ZBTB16: variants seen among roughly 807,000 people sequenced by gnomAD.
The protein encoded by ZBTB16 is zinc finger and BTB domain-containing protein 16.
ZBTB16 carries 8 observed loss-of-function variants against 56.8 expected under a neutral mutation model. That is an observed-to-expected ratio of 0.14 (90% CI 0.08 to 0.25). ZBTB16 has a LOEUF of 0.25. ZBTB16 is among the 10% of genes least tolerant of loss of function. The probability of loss-of-function intolerance (pLI) is 1.00; values close to 1 mark genes in which losing one functional copy is unlikely to be tolerated. For synonymous variants in ZBTB16, 363 were observed against 368.5 expected, an observed-to-expected ratio of 0.98 and a Z score of 0.17; for missense variants, 625 against 903.0, an observed-to-expected ratio of 0.69 and a Z score of 3.95.
At chr11:114,233,494 G>A (rs184387099) in intron 4 of ZBTB16, among the ~76,000 whole-genome samples, 47 of 152,106 alleles carry the variant, frequency 3.1e-4, no homozygotes, top group African/African-American at 9.9e-4. Flanking sequence ...GCAACGCAGC[G>A]TAGGAGGTAG....
intron 4 of ZBTB16, chr11:114,187,341 G>C (rs775461261): frequency 8.7e-5 from 39 of 446,124 alleles, no homozygotes; most frequent in Non-Finnish European, 9.0e-5. Context: ...TCTTGTTGAG[G>C]CCTTAGTCTG....
chr11:114,061,254 G>T (rs1028016540), intron 1 of ZBTB16: 2 of 152,142 alleles, frequency 1.3e-5, no homozygotes, highest in African/African-American at 2.4e-5. Context: ...GCCGGATCGC[G>T]GGCGCCGAGC....
chr11:114,143,445 G>T lies in ZBTB16; in HGVS notation c.1269-12892G>T, dbSNP rs1000919938. On this transcript the variant is annotated intron_variant, in intron 2 of 6. Transcript: ENST00000335953. The surrounding 1 kb of genome is among the most constrained non-coding windows in gnomAD (Gnocchi z 6.4). ...GGGGGAAAGGGGGTCAGCTTTGAGA[G>T]GGGACAGAGGGGAGCTACTGGGGAA... 6.6e-6 allele frequency among the ~76,000 whole-genome samples: 1 copy of T among 152,176 alleles called. No homozygotes were observed. The highest frequency in any genetic ancestry group is 2.4e-5 in the African/African-American group (1 of 41,436).
At chr11:114,150,890 A>G (rs1458467593) in intron 2 of ZBTB16, among the ~76,000 whole-genome samples, 1 of 152,246 alleles carries the variant, frequency 6.6e-6, no homozygotes, top group East Asian at 1.9e-4. Flanking sequence ...CTGTCCCCAC[A>G]TGGGGCCCAA....
rs970695816 is a variant in ZBTB16, at chr11:114,060,023, C to T, written c.-91+141C>T. 13 of 383,278 alleles carry T rather than the reference C, an allele frequency of 3.4e-5. No homozygotes were observed. The highest frequency in any genetic ancestry group is 5.5e-5 in the Non-Finnish European group (12 of 216,856). The allele number at this position is 383,278 out of a possible 1,614,324, so 23.7% of individuals were successfully genotyped here. A position where few individuals can be genotyped will look rare whatever the true frequency, so the allele number is the denominator to read the frequency against. On this transcript the variant is annotated intron_variant, in intron 1 of 6. Coordinates refer to ENST00000335953, the MANE Select transcript of ZBTB16 (RefSeq NM_006006.6). This position sits in a 1 kb window ranked among gnomAD's most constrained non-coding sequence, Gnocchi z 6.0. ...TTGTGCCTTTTTTATTTGGCGTGTT[C>T]CCTTCCTGCCGCTGCAGCCGTCGCC... is the stretch of plus-strand genomic sequence containing the variant.
chr11:114,167,358 T>C (rs1223584011), intron 3 of ZBTB16, among the ~76,000 whole-genome samples: 1 of 144,646 alleles, frequency 6.9e-6, no homozygotes, highest in Non-Finnish European at 1.5e-5. Context: ...CCAGGAGAGA[T>C]TGTATAGAAA....
chr11:114,139,730 A>G (rs992520992), intron 2 of ZBTB16, among the ~76,000 whole-genome samples: 11 of 151,642 alleles, frequency 7.3e-5, no homozygotes, highest in Non-Finnish European at 1.5e-4. Flanking sequence ...GCATCCAACT[A>G]CGGAGCAAGA....
chr11:114,090,547 A>T (rs2137724097), intron 2 of ZBTB16, among the ~76,000 whole-genome samples: 1 of 152,272 alleles, frequency 6.6e-6, no homozygotes, highest in South Asian at 2.1e-4. Context: ...TCTGGTGGTG[A>T]GAAGATGGTT....
In ZBTB16 at chr11:114,250,674, A is replaced by C; in HGVS notation, c.*119A>C. The C allele has an allele frequency of 1.7e-6, 2 of 1,188,980 alleles. No homozygotes were observed. The highest frequency in any genetic ancestry group is 2.4e-6 in the Non-Finnish European group (2 of 847,474). 73.7% of individuals were successfully genotyped at this position (1,188,980 alleles called of 1,614,324 possible). A position where few individuals can be genotyped will look rare whatever the true frequency, so the allele number is the denominator to read the frequency against. ...GAAAAAAAAAAACAGAAGGAAAAGG[A>C]AACCTGGTAGCTTTTTGGCCTTGGA... On this transcript the variant is annotated 3_prime_UTR_variant, in exon 7 of 7. Transcript: ENST00000335953. This position sits in a 1 kb window ranked among gnomAD's most constrained non-coding sequence, Gnocchi z 6.0.
intron 3 of ZBTB16, among the ~76,000 whole-genome samples, chr11:114,184,519 C>A (rs1943320846): frequency 6.6e-6 from 1 of 152,154 alleles, no homozygotes; most frequent in South Asian, 2.1e-4. Context: ...CAGATGGAAC[C>A]CCAGGGAGGC....
intron 4 of ZBTB16, among the ~76,000 whole-genome samples, chr11:114,219,243 T>C (rs1944175094): frequency 6.6e-6 from 1 of 152,168 alleles, no homozygotes; most frequent in Non-Finnish European, 1.5e-5. Context: ...TTCCCTTTTT[T>C]CATCACCCTT....
chr11:114,096,745 T>C (rs1332367320), intron 2 of ZBTB16, among the ~76,000 whole-genome samples: 3 of 152,210 alleles, frequency 2.0e-5, no homozygotes, highest in Non-Finnish European at 4.4e-5. Context: ...ACGGGCACTT[T>C]TGCGACTGTG....
At chr11:114,200,150 A>G (rs1057474786) in intron 4 of ZBTB16, among the ~76,000 whole-genome samples, 1 of 89,552 alleles carries the variant, frequency 1.1e-5, no homozygotes, top group African/African-American at 3.5e-5. Flanking sequence ...AGAAAAAAAG[A>G]AAAAAAAAAT....
intron 2 of ZBTB16, among the ~76,000 whole-genome samples, chr11:114,106,290 T>C (rs1940787291): frequency 6.6e-6 from 1 of 152,146 alleles, no homozygotes; most frequent in South Asian, 2.1e-4. Flanking sequence ...ATGCCTATAT[T>C]TACCCTCTTT....
At chr11:114,068,360 G>A (rs1389694184) in intron 2 of ZBTB16, among the ~76,000 whole-genome samples, 1 of 152,198 alleles carries the variant, frequency 6.6e-6, no homozygotes, top group Non-Finnish European at 1.5e-5. Flanking sequence ...TTGATCCCAA[G>A]CTGGTGTGGA....
chr11:114,115,905 T>C (rs895227891), intron 2 of ZBTB16, among the ~76,000 whole-genome samples: 2 of 152,212 alleles, frequency 1.3e-5, no homozygotes, highest in African/African-American at 2.4e-5. Flanking sequence ...TTTAGGGGAC[T>C]GTGCCCGGGG....
Position 114,059,897 on chromosome 11 carries a change from G to A in ZBTB16, c.-91+15G>A, listed in dbSNP as rs919442088. On this transcript the variant is annotated intron_variant, in intron 1 of 6. Transcript: ENST00000335953. This position sits in a 1 kb window ranked among gnomAD's most constrained non-coding sequence, Gnocchi z 5.3. ...GCTCGGCTGCGGTGAGTGAGGGGCC[G>A]GGAAGAGGCGCACCGCCCAGCGAGC... 5.0e-6 allele frequency: 2 copies of A among 397,174 alleles called. No individual in the cohort carries two copies. Among genetic ancestry groups the A allele is most frequent in the African/African-American group, 2.1e-5 (1 of 48,542 alleles). 24.6% of individuals were successfully genotyped at this position (397,174 alleles called of 1,614,324 possible).
chr11:114,172,897 G>A (rs1043677043), intron 3 of ZBTB16, among the ~76,000 whole-genome samples: 2 of 152,148 alleles, frequency 1.3e-5, no homozygotes, highest in African/African-American at 2.4e-5. Context: ...GAGGTGGTTC[G>A]TACTTAGAAT....
chr11:114,160,204 G>A (rs1942548482), intron 3 of ZBTB16, among the ~76,000 whole-genome samples: 1 of 152,180 alleles, frequency 6.6e-6, no homozygotes. Flanking sequence ...CAGACTTGTG[G>A]GTACAGTATG....
Sources: allele counts gnomAD v4.1 joint callset (sites outside exome capture counted in the v4.1 genomes callset), GRCh38; gene constraint gnomAD v4.1.1; non-coding constraint Gnocchi (gnomAD v3.1); transcripts MANE v1.5; gene names NCBI Gene and HGNC (gene_info 2026-07-23, HGNC 2026-07-21).